SYT14: variants seen among roughly 807,000 people sequenced by gnomAD.
The protein encoded by SYT14 is synaptotagmin-14.
Under a neutral mutation model 74.2 loss-of-function variants are expected in SYT14, and 32 were observed. That is an observed-to-expected ratio of 0.43 (90% CI 0.33 to 0.58). The LOEUF is 0.58. Among genes scored for constraint, SYT14 ranks in the 20% least tolerant of loss-of-function variants. The probability of loss-of-function intolerance (pLI) is 0.05; values close to 1 mark genes in which losing one functional copy is unlikely to be tolerated. For missense variants in SYT14, 791 were observed against 981.8 expected (o/e 0.81, Z 2.60); for synonymous variants, 298 against 337.7 (o/e 0.88, Z 1.29).
chr1:209,986,545 G>A (rs1229318136), intron 2 of SYT14, among the ~76,000 whole-genome samples: 3 of 152,018 alleles, frequency 2.0e-5, no homozygotes, highest in Non-Finnish European at 4.4e-5. Flanking sequence ...CCCAGGAGGT[G>A]GAGCTTGCAG....
chr1:210,170,993 T>A (rs1311297603), exon 10 of SYT14: 1 of 152,216 alleles, frequency 6.6e-6, no homozygotes, highest in Non-Finnish European at 1.5e-5. Context: ...TCAGCTGGAA[T>A]ATGAACTGTT....
In SYT14 at chr1:210,079,592, G is replaced by A. The variant is rs141996439; in HGVS notation, c.1313-14730G>A. ...ATTCCTATTTTGTTTAAAATTAGAG[G>A]ACTTAGAATTTTTACCTCAGCCCAT... On this transcript the variant is annotated intron_variant, in intron 5 of 9. Coordinates refer to ENST00000637265, the Ensembl canonical transcript of SYT14. 1.2e-3 allele frequency among the ~76,000 whole-genome samples: 187 copies of A among 152,158 alleles called. 1 individual carries two copies. The highest frequency in any genetic ancestry group is 2.4e-3 in the Non-Finnish European group (162 of 67,996).
chr1:210,078,137 C>T (rs573834248), intron 5 of SYT14, among the ~76,000 whole-genome samples: 43 of 151,720 alleles, frequency 2.8e-4, no homozygotes, highest in Admixed American at 2.5e-3. Flanking sequence ...GGTGAAACCC[C>T]GTCTCTACTA....
chr1:210,109,929 A>G lies in SYT14; in HGVS notation c.2034+9468A>G, dbSNP rs142582226. 9.6e-3 allele frequency among the ~76,000 whole-genome samples: 1,455 copies of G among 152,310 alleles called. 20 individuals are homozygous for G. Among genetic ancestry groups the G allele is most frequent in the African/African-American group, 0.033 (1,375 of 41,560 alleles). ...TGGCACATACACACCATGGAATACT[A>G]TGCAGCCATAGAAAAGGATGAGTTC... On this transcript the variant is annotated intron_variant, in intron 7 of 9. Coordinates refer to ENST00000637265, the Ensembl canonical transcript of SYT14.
chr1:210,161,451 G>C (rs1447877617), exon 10 of SYT14: 2 of 454,338 alleles, frequency 4.4e-6, no homozygotes, highest in South Asian at 3.1e-5. Flanking sequence ...AACATAGTTT[G>C]ACTGGCCAGT....
At chr1:210,001,529 A>G (rs1348917988) in intron 2 of SYT14, among the ~76,000 whole-genome samples, 1 of 152,192 alleles carries the variant, frequency 6.6e-6, no homozygotes, top group East Asian at 1.9e-4. Context: ...CTAGCAATCT[A>G]TCCCAAATAT....
Position 210,151,504 on chromosome 1 carries a change from G to GCCCC in SYT14, c.2035-4211_2035-4208dup, listed in dbSNP as rs140800804. The stretch of plus-strand genomic sequence containing the variant: ...CAAGTAGCTGAAATTATAGGCGAAT[G>GCCCC]CCCCCCCCCTTTTTTTTTTTTTTAA... On this transcript the variant is annotated intron_variant, in intron 7 of 9. Coordinates refer to ENST00000637265, the Ensembl canonical transcript of SYT14. Among the ~76,000 whole-genome samples, 405 of 119,986 alleles carry GCCCC rather than the reference G, an allele frequency of 3.4e-3. 7 individuals are homozygous for GCCCC. The highest frequency in any genetic ancestry group is 5.0e-3 in the Non-Finnish European group (308 of 61,630). 78.7% of individuals were successfully genotyped at this position (119,986 alleles called of 152,430 possible). A position where few individuals can be genotyped will look rare whatever the true frequency, so the allele number is the denominator to read the frequency against.
At chr1:210,120,139 C>CT (rs141940091) in intron 7 of SYT14, among the ~76,000 whole-genome samples, 21,245 of 149,598 alleles carry the variant, frequency 0.14, 4,783 homozygotes, top group African/African-American at 0.48. Flanking sequence ...TACTAAATTA[C>CT]TTTTTTTTTT....
At chr1:210,085,607 TAGTA>T (rs1383238540) in intron 5 of SYT14, among the ~76,000 whole-genome samples, 1 of 152,252 alleles carries the variant, frequency 6.6e-6, no homozygotes, top group Non-Finnish European at 1.5e-5. Flanking sequence ...CAAATGCTTT[TAGTA>T]AGTCTTTTAC....
At chr1:210,021,994 C>T (rs1036968697) in intron 5 of SYT14, among the ~76,000 whole-genome samples, 3 of 152,148 alleles carry the variant, frequency 2.0e-5, no homozygotes, top group African/African-American at 7.2e-5. Flanking sequence ...TTTATTTCCA[C>T]ATTTAAATAA....
At chr1:209,977,857 T>G (rs953475328) in intron 2 of SYT14, among the ~76,000 whole-genome samples, 6 of 152,226 alleles carry the variant, frequency 3.9e-5, no homozygotes, top group African/African-American at 1.4e-4. Flanking sequence ...CAGACATAGA[T>G]TTGGTCTTTT....
intron 7 of SYT14, among the ~76,000 whole-genome samples, chr1:210,152,002 A>G (rs2083174080): frequency 6.6e-6 from 1 of 152,224 alleles, no homozygotes; most frequent in Admixed American, 6.5e-5. Flanking sequence ...TGAAAAATGT[A>G]TCTCACAATA....
intron 1 of SYT14, 118 bp from the exon 2 acceptor site, chr1:209,952,591 G>T: frequency 1.3e-6 from 1 of 781,440 alleles, no homozygotes; most frequent in Non-Finnish European, 2.2e-6. Flanking sequence ...ATAAAGAGAA[G>T]AGTTAGGGAA....
chr1:210,005,047 G>C (rs1232120346), intron 2 of SYT14, among the ~76,000 whole-genome samples: 1 of 151,930 alleles, frequency 6.6e-6, no homozygotes, highest in Non-Finnish European at 1.5e-5. Context: ...CATTTATTTA[G>C]TGGATAAGAA....
At chr1:209,946,269 T>C (rs1341331695) in intron 1 of SYT14, among the ~76,000 whole-genome samples, 1 of 152,172 alleles carries the variant, frequency 6.6e-6, no homozygotes, top group Non-Finnish European at 1.5e-5. Context: ...AAGCTAGAAA[T>C]GATTAATCCT....
At chr1:210,064,700 A>G (rs1361451590) in intron 5 of SYT14, among the ~76,000 whole-genome samples, 1 of 152,016 alleles carries the variant, frequency 6.6e-6, no homozygotes, top group African/African-American at 2.4e-5. Flanking sequence ...CCTTTTGGCT[A>G]TTGTGAATAA....
chr1:210,095,547 C>A (rs1403993914), intron 6 of SYT14, among the ~76,000 whole-genome samples: 1 of 152,170 alleles, frequency 6.6e-6, no homozygotes, highest in Non-Finnish European at 1.5e-5. Context: ...AGCCACTGCA[C>A]CCAGCCTACT....
chr1:210,124,880 T>C (rs76089065), intron 7 of SYT14, among the ~76,000 whole-genome samples: 7,406 of 152,134 alleles, frequency 0.049, 1,005 homozygotes, highest in East Asian at 0.41. Context: ...GGTTTTTTTT[T>C]TTCCTGTACT....
intron 7 of SYT14, among the ~76,000 whole-genome samples, chr1:210,100,895 C>T (rs1422994113): frequency 2.0e-5 from 3 of 151,926 alleles, no homozygotes; most frequent in Non-Finnish European, 4.4e-5. Flanking sequence ...ATATATATAC[C>T]GCTCCCTAGG....
Sources: allele counts gnomAD v4.1 joint callset (sites outside exome capture counted in the v4.1 genomes callset), GRCh38; gene constraint gnomAD v4.1.1; transcripts MANE v1.5; gene names NCBI Gene and HGNC (gene_info 2026-07-23, HGNC 2026-07-21).